The following CREB5 variants were observed in gnomAD, a reference collection of about 807,000 sequenced individuals.
CREB5 encodes cyclic AMP-responsive element-binding protein 5.
Under a neutral mutation model 57.1 loss-of-function variants are expected in CREB5, and 19 were observed. That is an observed-to-expected ratio of 0.33 (90% CI 0.23 to 0.49). CREB5 has a LOEUF of 0.49. Ranked by LOEUF, CREB5 falls within the 20% of genes least tolerant of loss-of-function variation. The pLI is 0.99. For synonymous variants in CREB5, 238 were observed against 238.3 expected (o/e 1.00, Z 0.01); for missense variants, 579 against 671.6 (o/e 0.86, Z 1.52).
intron 1 of CREB5, among the ~76,000 whole-genome samples, chr7:28,381,281 C>T (rs1786961396): frequency 6.6e-6 from 1 of 152,094 alleles, no homozygotes; most frequent in Admixed American, 6.5e-5. Flanking sequence ...GGGAAGGGAG[C>T]CCATGTATAT....
chr7:28,401,113 A>G (rs1200408246), intron 1 of CREB5, among the ~76,000 whole-genome samples: 1 of 152,230 alleles, frequency 6.6e-6, no homozygotes, highest in African/African-American at 2.4e-5. Context: ...CAGAAAAAAT[A>G]AAGACTAAGT....
chr7:28,371,511 AAG>A (rs1225119797), intron 1 of CREB5, among the ~76,000 whole-genome samples: 1 of 150,206 alleles, frequency 6.7e-6, no homozygotes, highest in Non-Finnish European at 1.5e-5. Context: ...AAAAAAAAAA[AAG>A]ATTCAGGGAA....
At chr7:28,524,142 TA>T (rs1793323498) in intron 4 of CREB5, among the ~76,000 whole-genome samples, 1 of 152,220 alleles carries the variant, frequency 6.6e-6, no homozygotes, top group Admixed American at 6.5e-5. Context: ...ACCTCTGAAG[TA>T]AGATGTCTCT....
chr7:28,425,744 T>G (rs1408926920), intron 1 of CREB5, among the ~76,000 whole-genome samples: 1 of 152,238 alleles, frequency 6.6e-6, no homozygotes, highest in African/African-American at 2.4e-5. Flanking sequence ...ATAGGGCATT[T>G]CAGACCTCAG....
intron 4 of CREB5, among the ~76,000 whole-genome samples, chr7:28,528,909 G>T (rs1793589780): frequency 6.6e-6 from 1 of 152,066 alleles, no homozygotes; most frequent in African/African-American, 2.4e-5. Context: ...CAACTTCCGG[G>T]ATATCCTAAC....
chr7:28,632,490 G>T (rs1262681750), intron 5 of CREB5, among the ~76,000 whole-genome samples: 2 of 152,254 alleles, frequency 1.3e-5, no homozygotes, highest in East Asian at 1.9e-4. Flanking sequence ...TGGGGGTGAT[G>T]GTCTGCAGGG....
intron 4 of CREB5, among the ~76,000 whole-genome samples, chr7:28,557,224 TAAAGCATCAC>T (rs1794914856): frequency 1.3e-5 from 2 of 152,176 alleles, no homozygotes; most frequent in African/African-American, 2.4e-5. Flanking sequence ...CTTCTCAGAC[TAAAGCATCAC>T]CTTCTTTCTG....
At chr7:28,497,335 A>C (rs1792099449) in intron 3 of CREB5, among the ~76,000 whole-genome samples, 1 of 152,216 alleles carries the variant, frequency 6.6e-6, no homozygotes, top group Non-Finnish European at 1.5e-5. Context: ...GCAGCTTTGC[A>C]ATTGTTCTTA....
chr7:28,663,377 G>C (rs187300224), intron 5 of CREB5, among the ~76,000 whole-genome samples: 1 of 152,022 alleles, frequency 6.6e-6, no homozygotes, highest in African/African-American at 2.4e-5. Flanking sequence ...GCTAATTTTT[G>C]TGGGTTTTGT....
intron 1 of CREB5, among the ~76,000 whole-genome samples, chr7:28,431,200 G>C (rs1788697756): frequency 6.6e-6 from 1 of 152,186 alleles, no homozygotes; most frequent in South Asian, 2.1e-4. Context: ...CTATTCATTA[G>C]AAGCACATCA....
intron 5 of CREB5, among the ~76,000 whole-genome samples, chr7:28,667,621 G>A (rs549943934): frequency 8.9e-4 from 135 of 151,834 alleles, no homozygotes; most frequent in Non-Finnish European, 1.5e-3. Flanking sequence ...AGATGAAACC[G>A]TTAAAAAAGA....
At position 28,560,879 on chromosome 7, in the gene CREB5, C is replaced by CGCGTGCGT. The variant is rs1795131480; in HGVS notation, c.292-9485_292-9484insCGTGCGTG. 1.4e-4 allele frequency among the ~76,000 whole-genome samples: 3 copies of CGCGTGCGT among 22,060 alleles called. 1 individual carries two copies. Among genetic ancestry groups the CGCGTGCGT allele is most frequent in the African/African-American group, 2.5e-4 (2 of 7,984 alleles). The allele number at this position is 22,060 out of a possible 152,430, so 14.5% of individuals were successfully genotyped here. A position where few individuals can be genotyped will look rare whatever the true frequency, so the allele number is the denominator to read the frequency against. ...GTGTGCGTGTGCCTGCGTGCGCGTG[C>CGCGTGCGT]GTGCGTGCGTGTGTGTGCGTGCGCG... On this transcript the variant is annotated intron_variant, in intron 4 of 10. Coordinates refer to ENST00000357727, the MANE Select transcript of CREB5 (RefSeq NM_182898.4).
chr7:28,674,311 C>A (rs1800215529), intron 5 of CREB5, among the ~76,000 whole-genome samples: 1 of 152,134 alleles, frequency 6.6e-6, no homozygotes, highest in African/African-American at 2.4e-5. Flanking sequence ...CTGAGCAGAA[C>A]CCAGCTGCAG....
chr7:28,512,853 T>A (rs1179895968), intron 4 of CREB5, among the ~76,000 whole-genome samples: 2 of 152,232 alleles, frequency 1.3e-5, no homozygotes, highest in African/African-American at 4.8e-5. Flanking sequence ...ATTATGCTGA[T>A]GCAGCAATAG....
chr7:28,317,222 G>A (rs1262277903), intron 1 of CREB5, among the ~76,000 whole-genome samples: 1 of 152,104 alleles, frequency 6.6e-6, no homozygotes, highest in Non-Finnish European at 1.5e-5. Flanking sequence ...CAGAAAAGGA[G>A]GGTTCAGATT....
At chr7:28,692,435 A>G (rs1264208494) in intron 5 of CREB5, among the ~76,000 whole-genome samples, 1 of 152,196 alleles carries the variant, frequency 6.6e-6, no homozygotes, top group Non-Finnish European at 1.5e-5. Context: ...TGTCTCTACT[A>G]AAAATACAGG....
chr7:28,603,204 C>T (rs1005800038), intron 5 of CREB5, among the ~76,000 whole-genome samples: 1 of 152,106 alleles, frequency 6.6e-6, no homozygotes, highest in Non-Finnish European at 1.5e-5. Flanking sequence ...TGTGAGCATC[C>T]AAAGGTCAGC....
chr7:28,737,396 C>A (rs186213158), intron 7 of CREB5, among the ~76,000 whole-genome samples: 5 of 151,426 alleles, frequency 3.3e-5, no homozygotes, highest in South Asian at 2.1e-4. Context: ...TTTCTTCCCC[C>A]CTCTGTTCCT....
intron 5 of CREB5, among the ~76,000 whole-genome samples, chr7:28,646,305 C>T (rs932059534): frequency 5.9e-5 from 9 of 152,020 alleles, no homozygotes; most frequent in African/African-American, 1.2e-4. Flanking sequence ...CTAAAGATCC[C>T]GAGCAAACCT....
Sources: allele counts gnomAD v4.1 joint callset (sites outside exome capture counted in the v4.1 genomes callset), GRCh38; gene constraint gnomAD v4.1.1; transcripts MANE v1.5; gene names NCBI Gene and HGNC (gene_info 2026-07-23, HGNC 2026-07-21).